Variants in MMP13 observed in about 807,000 individuals in gnomAD.
MMP13 encodes collagenase 3.
Under a neutral mutation model 52.1 loss-of-function variants are expected in MMP13, and 45 were observed. That is an observed-to-expected ratio of 0.86 (90% CI 0.68 to 1.11). MMP13 has a LOEUF of 1.11. Ranked by LOEUF, MMP13 falls within the 50% of genes least tolerant of loss-of-function variation. The pLI, the probability that MMP13 is intolerant of heterozygous loss-of-function variation, is 0.00. For missense variants in MMP13, 576 were observed against 583.8 expected (o/e 0.99, Z 0.14); for synonymous variants, 200 against 204.4 (o/e 0.98, Z 0.18).
intron 9 of MMP13, chr11:102,945,359 C>A: frequency 1.0e-6 from 1 of 975,372 alleles, no homozygotes; most frequent in African/African-American, 1.7e-5. Context: ...TGAATTCTGG[C>A]AATATCCTTG....
In MMP13 at chr11:102,952,583, G is replaced by A. The variant is rs901606980; in HGVS notation, c.638-410C>T. Reference sequence around the variant, plus strand: ...TAGGGTGGTACCTAGCTAGGGTGCTGCCCAGAACATCCTCCAATCAGGAGG... The same window carrying A: ...TAGGGTGGTACCTAGCTAGGGTGCTACCCAGAACATCCTCCAATCAGGAGG... On this transcript the variant is annotated intron_variant, in intron 4 of 9. Transcript: ENST00000260302. The surrounding 1 kb of genome is among the most constrained non-coding windows in gnomAD (Gnocchi z 4.3). 2.6e-5 allele frequency among the ~76,000 whole-genome samples: 4 copies of A among 152,112 alleles called. No individual in the cohort carries two copies. Among genetic ancestry groups the A allele is most frequent in the Admixed American group, 2.0e-4 (3 of 15,252 alleles).
Position 102,952,290 on chromosome 11 carries a change from C to G in MMP13, c.638-117G>C. 8.8e-7 allele frequency: 1 copy of G among 1,133,812 alleles called. No homozygotes were observed. Among genetic ancestry groups the G allele is most frequent in the South Asian group, 1.3e-5 (1 of 76,156 alleles). The allele number at this position is 1,133,812 out of a possible 1,614,324, so 70.2% of individuals were successfully genotyped here. On this transcript the variant is annotated intron_variant, in intron 4 of 9. Transcript: ENST00000260302. This position sits in a 1 kb window ranked among gnomAD's most constrained non-coding sequence, Gnocchi z 4.3. ...TTCTTGGCTATATACTTTCTTTTCT[C>G]TTTCTTCAGTCTCCTACTTTTTAAA... is the stretch of plus-strand genomic sequence containing the variant.
intron 8 of MMP13, among the ~76,000 whole-genome samples, chr11:102,946,294 C>T (rs1860506240): frequency 6.6e-6 from 1 of 152,212 alleles, no homozygotes; most frequent in African/African-American, 2.4e-5. Flanking sequence ...CACAGCCACA[C>T]CCTAACCAGG....
chr11:102,946,544 C>T (rs1222996921), intron 8 of MMP13, among the ~76,000 whole-genome samples: 1 of 152,132 alleles, frequency 6.6e-6, no homozygotes, highest in Non-Finnish European at 1.5e-5. Flanking sequence ...GGGCAATAAC[C>T]CCTGAATGGG....
chr11:102,954,371 AG>A, intron 3 of MMP13, 86 bp downstream of exon 3: 1 of 1,599,392 alleles, frequency 6.3e-7, no homozygotes, highest in Admixed American at 1.7e-5. Context: ...TTCTTTAAAA[AG>A]TAATGAATGA....
In MMP13 at chr11:102,943,005, A is replaced by T. The variant is rs1350608024; in HGVS notation, c.*1261T>A. The T allele has an allele frequency of 6.6e-6, 1 of 152,214 alleles. No homozygotes were observed. Among genetic ancestry groups the T allele is most frequent in the Non-Finnish European group, 1.5e-5 (1 of 68,042 alleles). The allele number at this position is 152,214 out of a possible 1,614,324, so 9.4% of individuals were successfully genotyped here. A position where few individuals can be genotyped will look rare whatever the true frequency, so the allele number is the denominator to read the frequency against. ...ACCATATAGCAATTGTCTGTTGAAAATATATTTTTATTATAAACAACATAA... is the reference window on the plus strand; with the variant it reads ...ACCATATAGCAATTGTCTGTTGAAATTATATTTTTATTATAAACAACATAA... On this transcript the variant is annotated 3_prime_UTR_variant, in exon 10 of 10. Transcript: ENST00000260302.
intron 9 of MMP13, among the ~76,000 whole-genome samples, 154 bp downstream of exon 9, chr11:102,945,492 G>A (rs1360200948): frequency 2.0e-5 from 3 of 152,118 alleles, no homozygotes; most frequent in African/African-American, 4.8e-5. Flanking sequence ...TTGGTTTGCT[G>A]TCTTTGTAGG....
At position 102,944,067 on chromosome 11, in the gene MMP13, A is replaced by G; in HGVS notation, c.*199T>C. ...ATCAGATGCTCTTTAGAGATCCTCC[A>G]TTTCATTACTCTAACATTCTTCAAT... is the stretch of plus-strand genomic sequence containing the variant. On this transcript the variant is annotated 3_prime_UTR_variant, in exon 10 of 10. Transcript: ENST00000260302. 1 of 552,766 alleles carries G rather than the reference A, an allele frequency of 1.8e-6. No homozygotes were observed. The highest frequency in any genetic ancestry group is 2.4e-5 in the Admixed American group (1 of 42,090). The allele number at this position is 552,766 out of a possible 1,614,324, so 34.2% of individuals were successfully genotyped here. A position where few individuals can be genotyped will look rare whatever the true frequency, so the allele number is the denominator to read the frequency against.
At chr11:102,950,288 C>T in intron 5 of MMP13, 61 bp from the exon 6 acceptor site, 2 of 1,294,088 alleles carry the variant, frequency 1.5e-6, no homozygotes, top group Non-Finnish European at 2.3e-6. Context: ...ACCTGAGTCA[C>T]AGTACAACAG....
intron 8 of MMP13, among the ~76,000 whole-genome samples, chr11:102,946,516 A>T (rs1477831509): frequency 2.0e-5 from 3 of 152,256 alleles, no homozygotes; most frequent in Non-Finnish European, 4.4e-5. Flanking sequence ...ATGAAATGTC[A>T]TGGGAGTACA....
At chr11:102,947,047 G>A (rs914578031) in intron 8 of MMP13, among the ~76,000 whole-genome samples, 8 of 152,186 alleles carry the variant, frequency 5.3e-5, no homozygotes, top group African/African-American at 1.7e-4. Flanking sequence ...CTTTACATGT[G>A]TTTTAAACAT....
At position 102,944,077 on chromosome 11, in the gene MMP13, T is replaced by C. The variant is rs1555016338; in HGVS notation, c.*189A>G. ...CTTTAGAGATCCTCCATTTCATTACTCTAACATTCTTCAATGTGGTTCCAG... is the reference window on the plus strand; with the variant it reads ...CTTTAGAGATCCTCCATTTCATTACCCTAACATTCTTCAATGTGGTTCCAG... On this transcript the variant is annotated 3_prime_UTR_variant, in exon 10 of 10. Coordinates refer to ENST00000260302, the MANE Select transcript of MMP13 (RefSeq NM_002427.4). 5.3e-5 allele frequency: 31 copies of C among 586,162 alleles called. 1 individual carries two copies. Among genetic ancestry groups the C allele is most frequent in the Non-Finnish European group, 1.9e-5 (6 of 310,834 alleles). The allele number at this position is 586,162 out of a possible 1,614,324, so 36.3% of individuals were successfully genotyped here.
rs558630699 is a variant in MMP13 at position 102,955,408 on chromosome 11, C to A, written c.206G>T (p.Arg69Leu). 6.2e-7 allele frequency: 1 copy of A among 1,614,016 alleles called. No individual in the cohort carries two copies. Among genetic ancestry groups the A allele is most frequent in the South Asian group, 1.1e-5 (1 of 91,078 alleles). Residue 69 changes from arginine to leucine, a missense_variant, in exon 2 of 10, where the codon CGA (arginine) becomes CTA (leucine). Arg to Leu is a moderately radical substitution (Grantham distance 102). Transcript: ENST00000260302. This position sits in a 1 kb window ranked among gnomAD's most constrained non-coding sequence, Gnocchi z 4.9. The part of the protein sequence containing the change: ...NAASSMTERL[R>L]EMQSFFGLEV... ...TAAGCCGAAGAAAGACTGCATTTCT[C>A]GGAGCCTCTCAGTCATGGAGCTTGC...
At chr11:102,953,298 C>T (rs550818555) in intron 4 of MMP13, among the ~76,000 whole-genome samples, 9 of 152,234 alleles carry the variant, frequency 5.9e-5, no homozygotes, top group African/African-American at 2.2e-4. Context: ...CTGTGAAATA[C>T]CCAGAACATA....
intron 8 of MMP13, among the ~76,000 whole-genome samples, chr11:102,946,137 T>G (rs1555016638): frequency 6.6e-6 from 1 of 152,246 alleles, no homozygotes; most frequent in African/African-American, 2.4e-5. Context: ...TTGCACTTAC[T>G]TAGTGTACAG....
rs1482731683 is a variant in MMP13 at position 102,949,165 on chromosome 11, C to T, written c.918-7G>A. 8.1e-6 allele frequency: 13 copies of T among 1,613,204 alleles called. No homozygotes were observed. The highest frequency in any genetic ancestry group is 3.3e-4 in the Middle Eastern group (2 of 6,054). On this transcript the variant is annotated splice_polypyrimidine_tract_variant and splice_region_variant and intron_variant, in intron 6 of 9. Transcript: ENST00000260302. The surrounding 1 kb of genome is among the most constrained non-coding windows in gnomAD (Gnocchi z 4.2). ...ATGCAGGCGCCAGAAGAATCTAACA[C>T]AAAAGTAAAATGGAGTTTTCTGTCA...
intron 8 of MMP13, among the ~76,000 whole-genome samples, chr11:102,946,569 C>A (rs1028662213): frequency 6.6e-6 from 1 of 152,030 alleles, no homozygotes; most frequent in Non-Finnish European, 1.5e-5. Context: ...TCAAAAGAGG[C>A]TTTGTAGATG....
chr11:102,948,419 A>G (rs552721838), intron 7 of MMP13, among the ~76,000 whole-genome samples: 102 of 152,256 alleles, frequency 6.7e-4, no homozygotes, highest in African/African-American at 1.3e-3. Context: ...CACCAGTTTG[A>G]AAGTTATTTT....
intron 7 of MMP13, among the ~76,000 whole-genome samples, chr11:102,948,489 C>T (rs1017726893): frequency 6.6e-6 from 1 of 151,994 alleles, no homozygotes; most frequent in Non-Finnish European, 1.5e-5. Context: ...ACAATACAAA[C>T]AGTGTCAGCA....
Sources: gnomAD v4.1 joint callset for allele counts (sites outside exome capture counted in the v4.1 genomes callset) on GRCh38, gnomAD v4.1.1 for gene constraint, Gnocchi (gnomAD v3.1) non-coding constraint, MANE v1.5 for transcripts, NCBI Gene and HGNC (gene_info 2026-07-23, HGNC 2026-07-21) for gene names.